PCCB: variants seen among roughly 807,000 people sequenced by gnomAD.
PCCB encodes propionyl-CoA carboxylase beta chain, mitochondrial.
In PCCB, 43 loss-of-function variants were observed where a neutral mutation model predicts 60.7. That is an observed-to-expected ratio of 0.71 (90% CI 0.55 to 0.91). PCCB has a LOEUF of 0.91. Among genes scored for constraint, PCCB ranks in the 40% least tolerant of loss-of-function variants. The pLI is 0.00. For missense variants in PCCB, 766 were observed against 702.8 expected (o/e 1.09, Z -1.02); for synonymous variants, 276 against 255.9 (o/e 1.08, Z -0.75).
chr3:136,277,142 G>A (rs1200318806), intron 5 of PCCB, among the ~76,000 whole-genome samples: 1 of 152,144 alleles, frequency 6.6e-6, no homozygotes, highest in Non-Finnish European at 1.5e-5. Flanking sequence ...ACTCTTTGAG[G>A]TTCCTTGGTT....
At chr3:136,294,838 G>T (rs573695115) in intron 7 of PCCB, among the ~76,000 whole-genome samples, 1 of 147,196 alleles carries the variant, frequency 6.8e-6, no homozygotes, top group Non-Finnish European at 1.5e-5. Context: ...GGTTGGTCTC[G>T]AACTCCTGGG....
chr3:136,318,184 A>G (rs1331139986), intron 10 of PCCB, among the ~76,000 whole-genome samples: 1 of 152,144 alleles, frequency 6.6e-6, no homozygotes, highest in Admixed American at 6.5e-5. Context: ...TAAAAATACA[A>G]AATACAAAAA....
At chr3:136,264,456 A>ATATATATATATATATATG (rs1560000162) in intron 5 of PCCB, among the ~76,000 whole-genome samples, 4 of 148,094 alleles carry the variant, frequency 2.7e-5, no homozygotes, top group African/African-American at 9.9e-5. Flanking sequence ...ATGTATATAT[A>ATATATATATATATATATG]TATATGTTCC....
At chr3:136,329,354 C>G (rs1351810126) in intron 14 of PCCB, among the ~76,000 whole-genome samples, 1 of 152,194 alleles carries the variant, frequency 6.6e-6, no homozygotes, top group Non-Finnish European at 1.5e-5. Flanking sequence ...GCCTCTCACC[C>G]TTGAGGAGGC....
At chr3:136,278,845 G>A (rs939508387) in intron 5 of PCCB, among the ~76,000 whole-genome samples, 1 of 152,090 alleles carries the variant, frequency 6.6e-6, no homozygotes, top group Non-Finnish European at 1.5e-5. Context: ...TTAACTTACC[G>A]ATCTTCTGTC....
intron 8 of PCCB, among the ~76,000 whole-genome samples, chr3:136,300,728 C>G (rs536283615): frequency 6.6e-6 from 1 of 152,118 alleles, no homozygotes; most frequent in African/African-American, 2.4e-5. Context: ...GTGCCCTACA[C>G]GGTACCTAGA....
chr3:136,268,116 A>G (rs1441623630), intron 5 of PCCB, among the ~76,000 whole-genome samples: 4 of 119,190 alleles, frequency 3.4e-5, no homozygotes, highest in South Asian at 2.5e-4. Flanking sequence ...ATATATATAT[A>G]TATATGTATA....
chr3:136,281,746 C>G (rs1008904718), intron 5 of PCCB, among the ~76,000 whole-genome samples: 2 of 152,112 alleles, frequency 1.3e-5, no homozygotes, highest in Admixed American at 6.5e-5. Flanking sequence ...GTTTGGAAGT[C>G]TAGTTCTCCT....
At chr3:136,310,084 G>A (rs1045757497) in intron 9 of PCCB, among the ~76,000 whole-genome samples, 1 of 152,042 alleles carries the variant, frequency 6.6e-6, no homozygotes, top group African/African-American at 2.4e-5. Context: ...ATAAATTAGG[G>A]CCAGGCAAGG....
At position 136,250,695 on chromosome 3, in the gene PCCB, G is replaced by T. The variant is rs147606121; in HGVS notation, c.183+137G>T. ...GGGCCGGAGCAAGGGTGTTCACCTT[G>T]AAAACCTGTAGCGTTTCTCGTGGAG... On this transcript the variant is annotated intron_variant, in intron 1 of 14. Coordinates refer to ENST00000251654, the MANE Select transcript of PCCB (RefSeq NM_000532.5). The T allele has an allele frequency of 1.7e-4, 146 of 837,822 alleles. No homozygotes were observed. The African/African-American group carries it at 2.3e-3, about 13-fold the overall frequency. The allele number at this position is 837,822 out of a possible 1,614,324, so 51.9% of individuals were successfully genotyped here.
Position 136,268,136 on chromosome 3 carries a change from A to G in PCCB, c.543+6071A>G, listed in dbSNP as rs60614489. Among the ~76,000 whole-genome samples the G allele has an allele frequency of 8.6e-5, 11 of 128,586 alleles. No homozygotes were observed. The East Asian group carries it at 1.0e-3, about 12-fold the overall frequency. 84.4% of individuals were successfully genotyped at this position (128,586 alleles called of 152,430 possible). ...TATATATATATGTATATATATATATATATATCTACATACACAAGTACATAT... is the reference window on the plus strand; with the variant it reads ...TATATATATATGTATATATATATATGTATATCTACATACACAAGTACATAT... On this transcript the variant is annotated intron_variant, in intron 5 of 14. Coordinates refer to ENST00000251654, the MANE Select transcript of PCCB (RefSeq NM_000532.5).
At chr3:136,280,702 G>A (rs1161196426) in intron 5 of PCCB, among the ~76,000 whole-genome samples, 3 of 152,044 alleles carry the variant, frequency 2.0e-5, no homozygotes, top group Admixed American at 6.5e-5. Flanking sequence ...GCTGTGTCAC[G>A]CAGAATAGAG....
At chr3:136,325,455 A>T (rs1402544137) in intron 10 of PCCB, among the ~76,000 whole-genome samples, 2 of 151,874 alleles carry the variant, frequency 1.3e-5, no homozygotes, top group Admixed American at 1.3e-4. Context: ...TCCTGGGTTC[A>T]AGTGATTCTC....
At chr3:136,311,124 T>C (rs1016194470) in intron 9 of PCCB, among the ~76,000 whole-genome samples, 2 of 152,106 alleles carry the variant, frequency 1.3e-5, no homozygotes, top group Non-Finnish European at 2.9e-5. Flanking sequence ...GGGAGAGATG[T>C]CAAGCTGTAA....
chr3:136,292,465 G>T (rs1010854379), intron 6 of PCCB, among the ~76,000 whole-genome samples: 1 of 152,128 alleles, frequency 6.6e-6, no homozygotes, highest in African/African-American at 2.4e-5. Flanking sequence ...TGAATAGTGA[G>T]TTCAGAGAGC....
At chr3:136,284,855 T>C (rs1933307503) in intron 6 of PCCB, among the ~76,000 whole-genome samples, 1 of 151,974 alleles carries the variant, frequency 6.6e-6, no homozygotes, top group Non-Finnish European at 1.5e-5. Context: ...GGGAGGCTGA[T>C]TCAGGTGGAT....
chr3:136,259,249 T>C (rs1376124290), intron 3 of PCCB: 1 of 880,328 alleles, frequency 1.1e-6, no homozygotes, highest in Non-Finnish European at 1.6e-6. Context: ...GGTAGATCAC[T>C]TGAGGCCAGG....
intron 9 of PCCB, among the ~76,000 whole-genome samples, chr3:136,307,977 AAATAAT>A (rs142093462): frequency 0.19 from 28,056 of 150,294 alleles, 2,967 homozygotes; most frequent in Non-Finnish European, 0.24. Flanking sequence ...CTCCATCTCA[AAATAAT>A]AATAATAATA....
chr3:136,299,968 A>C (rs903957491), intron 8 of PCCB, among the ~76,000 whole-genome samples: 1 of 151,922 alleles, frequency 6.6e-6, no homozygotes, highest in Non-Finnish European at 1.5e-5. Context: ...ACATGTATGC[A>C]TGTATACACA....
Sources: allele counts gnomAD v4.1 joint callset (sites outside exome capture counted in the v4.1 genomes callset), GRCh38; gene constraint gnomAD v4.1.1; transcripts MANE v1.5; gene names NCBI Gene and HGNC (gene_info 2026-07-23, HGNC 2026-07-21).